ETS1: variants seen among roughly 807,000 people sequenced by gnomAD.
ETS1 encodes the protein ETS proto-oncogene 1, transcription factor, also known as protein C-ets-1.
Under a neutral mutation model 58.6 loss-of-function variants are expected in ETS1, and 15 were observed. The ratio of observed to expected loss-of-function variants is 0.26; its 90% CI spans 0.17 to 0.39. The LOEUF (loss-of-function observed/expected upper bound fraction) is 0.39. Ranked by LOEUF, ETS1 falls within the 10% of genes least tolerant of loss-of-function variation. The probability of loss-of-function intolerance (pLI) is 1.00; values close to 1 mark genes in which losing one functional copy is unlikely to be tolerated. For synonymous variants in ETS1, 214 were observed against 218.2 expected (o/e 0.98, Z 0.17); for missense variants, 417 against 610.5 (o/e 0.68, Z 3.34).
At chr11:128,532,072 G>A (rs980657430) in intron 3 of ETS1, among the ~76,000 whole-genome samples, 1 of 152,096 alleles carries the variant, frequency 6.6e-6, no homozygotes, top group Non-Finnish European at 1.5e-5. Context: ...GCTGGAGTGT[G>A]GTGGCATGAA....
At chr11:128,583,305 C>T (rs1044075001) in intron 1 of ETS1, among the ~76,000 whole-genome samples, 2 of 152,180 alleles carry the variant, frequency 1.3e-5, no homozygotes, top group Non-Finnish European at 2.9e-5. Context: ...ACAAACCCGG[C>T]TGGGGAGAAT....
At chr11:128,560,839 A>G (rs1197727699) in intron 2 of ETS1, among the ~76,000 whole-genome samples, 2 of 152,120 alleles carry the variant, frequency 1.3e-5, no homozygotes, top group African/African-American at 2.4e-5. Context: ...GGACAGAATT[A>G]AGTACCAATG....
chr11:128,551,888 C>T (rs920572822), intron 3 of ETS1, among the ~76,000 whole-genome samples: 5 of 152,082 alleles, frequency 3.3e-5, no homozygotes, highest in African/African-American at 1.2e-4. Context: ...GATCTCTAGA[C>T]CAGCAGCATC....
chr11:128,486,085 G>A lies in ETS1; in HGVS notation c.597C>T (p.Thr199=). ...TGAACTTACTAATGAAGTAATCCGA[G>A]GTATAGCGGGATTCTGGATAGGCTG... ...VNPAYPESRY[T]SDYFISYGIE... The change falls in exon 6 of 10, where the codon ACC becomes ACT. Residue 199 remains threonine (T), a synonymous_variant. Coordinates refer to ENST00000392668, the MANE Select transcript of ETS1 (RefSeq NM_001143820.2). 1 of 1,608,314 alleles carries A rather than the reference G, an allele frequency of 6.2e-7. No individual in the cohort carries two copies. Among genetic ancestry groups the A allele is most frequent in the Non-Finnish European group, 8.5e-7 (1 of 1,174,856 alleles).
Position 128,489,416 on chromosome 11 carries a change from C to G in ETS1, c.409G>C (p.Val137Leu), listed in dbSNP as rs781168593. The G allele has an allele frequency of 6.2e-7, 1 of 1,614,166 alleles. No homozygotes were observed. Among genetic ancestry groups the G allele is most frequent in the Non-Finnish European group, 8.5e-7 (1 of 1,180,020 alleles). Reference sequence around the variant, plus strand: ...TTCATACAGAACTTCTGGAAGTCTACACCTTTCAGGCTGAATTCATTCACA... The same window carrying G: ...TTCATACAGAACTTCTGGAAGTCTAGACCTTTCAGGCTGAATTCATTCACA... ...WAVNEFSLKGVDFQKFCMNGA... is the reference protein window; with the variant it reads ...WAVNEFSLKGLDFQKFCMNGA... Residue 137 changes from valine (V) to leucine (L), a missense_variant, in exon 5 of 10, where the codon GTA becomes CTA. Physicochemically the swap from Val to Leu is conservative, Grantham distance 32. Transcript: ENST00000392668.
At chr11:128,521,731 GTCC>G (rs760101577) in intron 3 of ETS1, among the ~76,000 whole-genome samples, 166 of 151,578 alleles carry the variant, frequency 1.1e-3, no homozygotes, top group East Asian at 4.3e-3. Context: ...GCCACCAACA[GTCC>G]TCCTCCTCCT....
chr11:128,485,698 T>C (rs1862610527), intron 6 of ETS1, among the ~76,000 whole-genome samples: 1 of 152,164 alleles, frequency 6.6e-6, no homozygotes, highest in Non-Finnish European at 1.5e-5. Context: ...TTATCTCCAC[T>C]AGTAAAAAGG....
chr11:128,503,081 C>T (rs753686284), intron 3 of ETS1, among the ~76,000 whole-genome samples: 1 of 152,180 alleles, frequency 6.6e-6, no homozygotes, highest in Non-Finnish European at 1.5e-5. Context: ...TTCAGATTTC[C>T]ACTCATGCCT....
At chr11:128,521,926 A>G (rs1863684778) in intron 3 of ETS1, 4 of 1,603,162 alleles carry the variant, frequency 2.5e-6, no homozygotes, top group Non-Finnish European at 3.4e-6. Context: ...GGGAGGGGAA[A>G]AGCTCCAGAT....
chr11:128,564,942 G>T (rs1864466055), intron 2 of ETS1, among the ~76,000 whole-genome samples: 1 of 150,438 alleles, frequency 6.6e-6, no homozygotes, highest in South Asian at 2.1e-4. Flanking sequence ...GTTTTTTCCA[G>T]AATCAGGAAA....
chr11:128,585,213 A>AGAAAGAAAGAAAGAAG (rs1865001407), intron 1 of ETS1, among the ~76,000 whole-genome samples: 2 of 139,930 alleles, frequency 1.4e-5, no homozygotes, highest in African/African-American at 5.9e-5. Flanking sequence ...AAAGAAAGAA[A>AGAAAGAAAGAAAGAAG]GAAAGAAAGA....
chr11:128,585,382 G>A (rs535947167), intron 1 of ETS1, among the ~76,000 whole-genome samples: 13 of 150,324 alleles, frequency 8.6e-5, no homozygotes, highest in African/African-American at 1.7e-4. Flanking sequence ...CTCGTGGGAC[G>A]TAATCATTCC....
At chr11:128,520,802 G>A (rs1863647076) in intron 3 of ETS1, among the ~76,000 whole-genome samples, 1 of 152,222 alleles carries the variant, frequency 6.6e-6, no homozygotes, top group African/African-American at 2.4e-5. Flanking sequence ...TGGTTGTGCT[G>A]AAAGTTTAAG....
At chr11:128,488,777 T>G (rs747407656) in intron 5 of ETS1, among the ~76,000 whole-genome samples, 53 of 152,092 alleles carry the variant, frequency 3.5e-4, no homozygotes, top group Non-Finnish European at 6.9e-4. Flanking sequence ...CTGCTCCAGA[T>G]GTAAAAGGTA....
intron 2 of ETS1, among the ~76,000 whole-genome samples, chr11:128,563,289 C>G (rs1007277240): frequency 1.3e-5 from 2 of 152,072 alleles, no homozygotes; most frequent in Non-Finnish European, 2.9e-5. Context: ...TATTTTAAAC[C>G]CAGAAGCAAG....
intron 8 of ETS1, among the ~76,000 whole-genome samples, chr11:128,468,285 A>G (rs1862092899): frequency 6.6e-6 from 1 of 152,216 alleles, no homozygotes. Context: ...AAGGCCCACT[A>G]TCTGTCTCAA....
intron 8 of ETS1, among the ~76,000 whole-genome samples, chr11:128,471,891 GT>G (rs1245490651): frequency 6.6e-6 from 1 of 152,130 alleles, no homozygotes; most frequent in Non-Finnish European, 1.5e-5. Flanking sequence ...TATCCTAGGG[GT>G]TAAGTTTTCC....
chr11:128,568,857 C>T (rs938028480), intron 2 of ETS1, among the ~76,000 whole-genome samples: 7 of 152,200 alleles, frequency 4.6e-5, no homozygotes, highest in South Asian at 2.1e-4. Context: ...ATCCTATTTT[C>T]GAAGAGATTG....
At chr11:128,477,356 T>C (rs1862350158) in intron 8 of ETS1, among the ~76,000 whole-genome samples, 1 of 152,238 alleles carries the variant, frequency 6.6e-6, no homozygotes, top group Non-Finnish European at 1.5e-5. Flanking sequence ...CCAACAAGTC[T>C]ATACAATGAT....
Sources: gnomAD v4.1 joint callset for allele counts (sites outside exome capture counted in the v4.1 genomes callset) on GRCh38, gnomAD v4.1.1 for gene constraint, MANE v1.5 for transcripts, NCBI Gene and HGNC (gene_info 2026-07-23, HGNC 2026-07-21) for gene names.